The following TDRD1 variants were observed in gnomAD, a reference collection of about 807,000 sequenced individuals.
TDRD1 encodes the protein tudor domain containing 1, also known as tudor domain-containing protein 1.
In TDRD1, 37 loss-of-function variants were observed where a neutral mutation model predicts 140.6. The observed-to-expected ratio is 0.26, with a 90% confidence interval of 0.20 to 0.35. The LOEUF (loss-of-function observed/expected upper bound fraction) is 0.35, where lower values mean the gene tolerates loss of function less well. Ranked by LOEUF, TDRD1 falls within the 10% of genes least tolerant of loss-of-function variation. The pLI, the probability that TDRD1 is intolerant of heterozygous loss-of-function variation, is 1.00. For synonymous variants in TDRD1, 506 were observed against 475.7 expected (o/e 1.06, Z -0.83); for missense variants, 1,243 against 1,393.0 (o/e 0.89, Z 1.71).
At chr10:114,186,665 GT>G (rs2033556361) in intron 1 of TDRD1, among the ~76,000 whole-genome samples, 1 of 152,168 alleles carries the variant, frequency 6.6e-6, no homozygotes, top group African/African-American at 2.4e-5. Context: ...ATCCATAACA[GT>G]TTTACTTCCC....
chr10:114,228,803 G>A, intron 25 of TDRD1: 1 of 985,292 alleles, frequency 1.0e-6, no homozygotes, highest in South Asian at 4.7e-5. Context: ...TCTGATCAGG[G>A]CTGGGGGTGG....
At chr10:114,223,441 G>A (rs976995800) in intron 21 of TDRD1, among the ~76,000 whole-genome samples, 16 of 152,206 alleles carry the variant, frequency 1.1e-4, no homozygotes, top group African/African-American at 1.7e-4. Flanking sequence ...CTCCAGTGGC[G>A]TTTCAAAACC....
intron 9 of TDRD1, 91 bp from the exon 10 acceptor site, chr10:114,204,631 A>G: frequency 7.8e-7 from 1 of 1,289,794 alleles, no homozygotes; most frequent in Non-Finnish European, 1.0e-6. Flanking sequence ...ATAAGTTTTC[A>G]GCATGAAATA....
exon 20 of TDRD1, chr10:114,221,472 G>A: frequency 1.2e-6 from 2 of 1,611,326 alleles, no homozygotes; most frequent in Non-Finnish European, 1.7e-6. Context: ...CAAAAGGGAT[G>A]CCAGGTAAGA....
chr10:114,187,970 C>G, exon 2 of TDRD1: 1 of 1,614,174 alleles, frequency 6.2e-7, no homozygotes, highest in East Asian at 2.2e-5. Context: ...TCCTGGAACA[C>G]TTCCTAACCA....
At chr10:114,176,905 T>TA (rs2032705963), upstream of TDRD1, among the ~76,000 whole-genome samples, 1 of 152,206 alleles carries the variant, frequency 6.6e-6, no homozygotes, top group African/African-American at 2.4e-5. This position sits in a 1 kb window ranked among gnomAD's most constrained non-coding sequence, Gnocchi z 4.2. Flanking sequence ...GACACCTACT[T>TA]ACAATATTTT....
In TDRD1 at chr10:114,196,833, C is replaced by CTTTTTTTTTTTTTTTTTTTT. The variant is rs36124319; in HGVS notation, c.385-2329_385-2310dup. Reference sequence around the variant, plus strand: ...ACCAAATTTGGAAGTTTCTAGCAGTCTTTTTTTTTTTTTTTTTTTTTTTTT... The same window carrying CTTTTTTTTTTTTTTTTTTTT: ...ACCAAATTTGGAAGTTTCTAGCAGTCTTTTTTTTTTTTTTTTTTTTTTTTTTTTTTTTTTTTTTTTTTTTT... On this transcript the variant is annotated intron_variant, in intron 3 of 25. Coordinates refer to ENST00000251864, the Ensembl canonical transcript of TDRD1. 2.1e-4 allele frequency among the ~76,000 whole-genome samples: 10 copies of CTTTTTTTTTTTTTTTTTTTT among 48,326 alleles called. 1 individual carries two copies. The South Asian group carries it at 2.6e-3, about 13-fold the overall frequency. 31.7% of individuals were successfully genotyped at this position (48,326 alleles called of 152,430 possible). A position where few individuals can be genotyped will look rare whatever the true frequency, so the allele number is the denominator to read the frequency against.
At chr10:114,220,881 ATTC>A (rs2036100900) in intron 19 of TDRD1, 38 bp downstream of exon 19, 1 of 1,491,884 alleles carries the variant, frequency 6.7e-7, no homozygotes, top group Non-Finnish European at 9.2e-7. Flanking sequence ...TAAATTTGTT[ATTC>A]TTTGCTCTCA....
intron 2 of TDRD1, 68 bp from the exon 3 acceptor site, chr10:114,190,893 T>G: frequency 6.7e-7 from 1 of 1,488,064 alleles, no homozygotes; most frequent in South Asian, 1.1e-5. Context: ...CTAATTACAC[T>G]ATTTTTCATT....
At chr10:114,175,387 A>G (rs2032670942), upstream of TDRD1, among the ~76,000 whole-genome samples, 1 of 152,200 alleles carries the variant, frequency 6.6e-6, no homozygotes, top group African/African-American at 2.4e-5. Context: ...AAGAGAAAAG[A>G]AATACAAATA....
chr10:114,228,890 C>G, intron 25 of TDRD1: 1 of 545,478 alleles, frequency 1.8e-6, no homozygotes, highest in Non-Finnish European at 2.3e-6. Context: ...TCGAAGTCAG[C>G]CTGGCCAAGA....
At position 114,227,266 on chromosome 10, in the gene TDRD1, A is replaced by G. The variant is rs541957823; in HGVS notation, c.3370A>G (p.Ile1124Val). The G allele has an allele frequency of 7.4e-6, 12 of 1,614,002 alleles. No individual in the cohort carries two copies. The highest frequency in any genetic ancestry group is 6.7e-5 in the East Asian group (3 of 44,870). Residue 1124 changes from isoleucine (I) to valine (V), a missense_variant, in exon 23 of 26, where the codon ATC becomes GTC. By Grantham distance (29) the Ile-to-Val change is conservative (BLOSUM62 3). Coordinates refer to ENST00000251864, the Ensembl canonical transcript of TDRD1. ...AGTGACATTTGGTCTGGCAAAAAAC[A>G]TCACACCTCAAAGGCAGAGTGCTTT...
chr10:114,196,239 G>A (rs902491000), intron 3 of TDRD1, among the ~76,000 whole-genome samples: 5 of 152,024 alleles, frequency 3.3e-5, no homozygotes, highest in Admixed American at 2.6e-4. Flanking sequence ...CACTGAGCCC[G>A]GACTATTGTG....
At chr10:114,197,590 C>G (rs2034453010) in intron 3 of TDRD1, among the ~76,000 whole-genome samples, 1 of 149,988 alleles carries the variant, frequency 6.7e-6, no homozygotes, top group Admixed American at 6.6e-5. Flanking sequence ...TGTGATCTTC[C>G]TGATTCTTGG....
chr10:114,202,898 C>T (rs1184361230), intron 6 of TDRD1, among the ~76,000 whole-genome samples, 174 bp from the exon 7 acceptor site: 1 of 152,240 alleles, frequency 6.6e-6, no homozygotes, highest in Non-Finnish European at 1.5e-5. Flanking sequence ...GCTGTGCCCA[C>T]TGCCTGTGGA....
chr10:114,181,064 T>A (rs1290092736), intron 1 of TDRD1, among the ~76,000 whole-genome samples: 1 of 152,102 alleles, frequency 6.6e-6, no homozygotes, highest in Non-Finnish European at 1.5e-5. Context: ...AAGCGTGAAG[T>A]ACAGAACAAA....
At chr10:114,198,615 C>T (rs1007230793) in intron 3 of TDRD1, among the ~76,000 whole-genome samples, 2 of 89,782 alleles carry the variant, frequency 2.2e-5, no homozygotes, top group African/African-American at 9.2e-5. Flanking sequence ...TGCCTCTTTT[C>T]TCATCCTTTG....
At chr10:114,184,160 T>G (rs1032845210) in intron 1 of TDRD1, among the ~76,000 whole-genome samples, 1 of 147,638 alleles carries the variant, frequency 6.8e-6, no homozygotes, top group African/African-American at 2.6e-5. Context: ...GCATACTTAT[T>G]TCAATTTGAA....
intron 11 of TDRD1, among the ~76,000 whole-genome samples, chr10:114,208,104 G>A (rs1903891): frequency 0.21 from 31,422 of 151,904 alleles, 3,370 homozygotes; most frequent in Middle Eastern, 0.27. Context: ...TAGGGAAAAA[G>A]CATGAGCAGG....
Sources: allele counts gnomAD v4.1 joint callset (sites outside exome capture counted in the v4.1 genomes callset), GRCh38; gene constraint gnomAD v4.1.1; non-coding constraint Gnocchi (gnomAD v3.1); transcripts MANE v1.5; gene names NCBI Gene and HGNC (gene_info 2026-07-23, HGNC 2026-07-21).